The following RASL12 variants were observed in gnomAD, a reference collection of about 807,000 sequenced individuals.
RASL12 encodes the protein ras-like protein family member 12.
RASL12 carries 16 observed loss-of-function variants against 22.9 expected under a neutral mutation model. That is an observed-to-expected ratio of 0.70 (90% CI 0.47 to 1.06). The LOEUF (loss-of-function observed/expected upper bound fraction) is 1.06, where lower values mean the gene tolerates loss of function less well. Among genes scored for constraint, RASL12 ranks in the 50% least tolerant of loss-of-function variants. The pLI is 0.00. For synonymous variants in RASL12, 159 were observed against 152.2 expected, an observed-to-expected ratio of 1.04 and a Z score of -0.33; for missense variants, 306 against 353.1, an observed-to-expected ratio of 0.87 and a Z score of 1.07.
At chr15:65,048,243 T>A in the RASL12 span, among the ~76,000 whole-genome samples, 1 of 152,140 alleles carries the variant, frequency 6.6e-6, no homozygotes, top group Admixed American at 6.5e-5. Flanking sequence ...CTGACTTCCA[T>A]CTCCACCTTG....
downstream of RASL12, chr15:65,051,706 G>T: frequency 9.3e-7 from 1 of 1,070,416 alleles, no homozygotes; most frequent in South Asian, 1.3e-5. Flanking sequence ...GGTCATTGCT[G>T]TCCACCCTTT....
rs558979499 is a variant in RASL12, at chr15:65,053,356, C to T, written c.*1543G>A. ...CTAAAATTCTGTTATTAAAAAAAAT[C>T]TTTTATTAAAATGCTCCTGGAAGGG... On this transcript the variant is annotated 3_prime_UTR_variant, in exon 5 of 5. Coordinates refer to ENST00000220062, the MANE Select transcript of RASL12 (RefSeq NM_016563.4). 6.7e-5 allele frequency: 94 copies of T among 1,410,184 alleles called. No homozygotes were observed. Among genetic ancestry groups the T allele is most frequent in the Non-Finnish European group, 7.6e-5 (83 of 1,089,806 alleles). The allele number at this position is 1,410,184 out of a possible 1,614,324, so 87.4% of individuals were successfully genotyped here.
chr15:65,063,849 G>A (rs559663563), intron 2 of RASL12, among the ~76,000 whole-genome samples: 1 of 152,350 alleles, frequency 6.6e-6, no homozygotes, highest in African/African-American at 2.4e-5. Flanking sequence ...ACTAGGGTAA[G>A]GAGCTCTCCC....
At chr15:65,076,542 G>T (rs1336042419) in exon 1 of RASL12, 1 of 700,938 alleles carries the variant, frequency 1.4e-6, no homozygotes, top group Non-Finnish European at 2.6e-6. Context: ...GAGGGTCCGC[G>T]GCTTCATTCT....
the RASL12 span, among the ~76,000 whole-genome samples, chr15:65,047,051 C>T: frequency 6.6e-6 from 1 of 152,080 alleles, no homozygotes; most frequent in Non-Finnish European, 1.5e-5. Flanking sequence ...TACAATAATA[C>T]CTACATTTAA....
chr15:65,058,614 T>C lies in RASL12; in HGVS notation c.238A>G (p.Thr80Ala), dbSNP rs575544280. The C allele has an allele frequency of 2.0e-6, 3 of 1,532,248 alleles. No homozygotes were observed. The highest frequency in any genetic ancestry group is 2.7e-5 in the African/African-American group (2 of 72,804). The allele number at this position is 1,532,248 out of a possible 1,614,324, so 94.9% of individuals were successfully genotyped here. A position where few individuals can be genotyped will look rare whatever the true frequency, so the allele number is the denominator to read the frequency against. Residue 80 changes from threonine (T) to alanine (A), a missense_variant, in exon 4 of 5, where the codon ACC becomes GCC. Physicochemically the swap from Thr to Ala is moderately conservative, Grantham distance 58. Coordinates refer to ENST00000220062, the MANE Select transcript of RASL12 (RefSeq NM_016563.4). ...LRVMDTADLD[T>A]PRNCERYLNW... is the part of the protein sequence containing the mutation. ...AGGTAGCGCTCGCAGTTCCTGGGGG[T>C]GTCCTGGGGTGAAGGTGAGAAGCCC... is the stretch of plus-strand genomic sequence containing the variant.
upstream of RASL12, among the ~76,000 whole-genome samples, chr15:65,069,410 C>T (rs1457822281): frequency 6.6e-6 from 1 of 152,228 alleles, no homozygotes; most frequent in Non-Finnish European, 1.5e-5. Flanking sequence ...TGGCCCCATT[C>T]TGTGAAGACA....
chr15:65,058,552 G>C lies in RASL12; in HGVS notation c.300C>G (p.Val100=). 6.2e-7 allele frequency: 1 copy of C among 1,611,032 alleles called. No homozygotes were observed. Among genetic ancestry groups the C allele is most frequent in the Non-Finnish European group, 8.5e-7 (1 of 1,177,968 alleles). ...WAHAFLVVYS[V]DSRQSFDSSS... ...TGCTATCAAAGCTCTGGCGGCTGTC[G>C]ACGCTGTACACCACCAGGAAGGCAT... Residue 100 remains valine (V), a synonymous_variant, in exon 4 of 5, where the codon GTC becomes GTG. Coordinates refer to ENST00000220062, the MANE Select transcript of RASL12 (RefSeq NM_016563.4).
At chr15:65,076,617 T>G (rs755207323) in exon 1 of RASL12, 34 of 701,848 alleles carry the variant, frequency 4.8e-5, no homozygotes, top group Non-Finnish European at 5.2e-5. Flanking sequence ...AGGATATGAG[T>G]GATCACACAG....
In RASL12 at chr15:65,053,568, T is replaced by C. The variant is rs2086686889; in HGVS notation, c.*1331A>G. 1 of 1,007,728 alleles carries C rather than the reference T, an allele frequency of 9.9e-7. No individual in the cohort carries two copies. Among genetic ancestry groups the C allele is most frequent in the Non-Finnish European group, 1.2e-6 (1 of 844,110 alleles). The allele number at this position is 1,007,728 out of a possible 1,614,324, so 62.4% of individuals were successfully genotyped here. A position where few individuals can be genotyped will look rare whatever the true frequency, so the allele number is the denominator to read the frequency against. On this transcript the variant is annotated 3_prime_UTR_variant, in exon 5 of 5. Coordinates refer to ENST00000220062, the MANE Select transcript of RASL12 (RefSeq NM_016563.4). ...GACCTCAGCTCCTCCATTTACAGAA[T>C]GAGTCCGAAGACTGGGTCAGAGATG...
upstream of RASL12, among the ~76,000 whole-genome samples, chr15:65,070,428 G>T (rs954721375): frequency 1.3e-5 from 2 of 152,196 alleles, no homozygotes; most frequent in Non-Finnish European, 2.9e-5. Context: ...AGTCATAACC[G>T]TTTAGTGACC....
At chr15:65,050,836 C>CTTTT (rs57404080), downstream of RASL12, among the ~76,000 whole-genome samples, 85 of 95,620 alleles carry the variant, frequency 8.9e-4, no homozygotes, top group East Asian at 1.7e-3. Context: ...TCTTCTTCTT[C>CTTTT]TTTTTTTTTT....
upstream of RASL12, among the ~76,000 whole-genome samples, chr15:65,071,439 ACT>A (rs1298015394): frequency 3.3e-5 from 5 of 151,440 alleles, no homozygotes; most frequent in East Asian, 5.8e-4. Context: ...GGAGGAGGAA[ACT>A]CTCCCCAGCT....
upstream of RASL12, among the ~76,000 whole-genome samples, chr15:65,069,926 A>T (rs1239463929): frequency 6.6e-6 from 1 of 152,106 alleles, no homozygotes; most frequent in Non-Finnish European, 1.5e-5. Context: ...GAGGCTTGGG[A>T]GGAAAACAGT....
At chr15:65,059,266 G>T in intron 3 of RASL12, 79 bp downstream of exon 3, 1 of 1,231,620 alleles carries the variant, frequency 8.1e-7, no homozygotes, top group Non-Finnish European at 1.2e-6. Context: ...GCCTATCTGA[G>T]GTCCCGCACT....
chr15:65,075,356 C>T lies in RASL12; in HGVS notation c.70+1173G>A, dbSNP rs539473773. 1.2e-4 allele frequency among the ~76,000 whole-genome samples: 18 copies of T among 152,358 alleles called. No individual in the cohort carries two copies. The East Asian group carries it at 2.9e-3, about 25-fold the overall frequency. On this transcript the variant is annotated intron_variant, in intron 1 of 4. Coordinates refer to the RASL12 transcript ENST00000434605. ...CCCGAGCCTCCCCGACGAGCACTAC[C>T]CCCTGCTCCACGGTGCCCAGTCCCA...
downstream of RASL12, among the ~76,000 whole-genome samples, chr15:65,051,820 CT>C (rs1183793350): frequency 6.6e-6 from 1 of 152,204 alleles, no homozygotes; most frequent in Non-Finnish European, 1.5e-5. Flanking sequence ...TTACCACCCC[CT>C]GGCCCTGGAC....
At chr15:65,076,660 C>G (rs1295990054) in exon 1 of RASL12, 2 of 759,248 alleles carry the variant, frequency 2.6e-6, no homozygotes, top group African/African-American at 1.7e-5. Context: ...TGCAGCCATA[C>G]AGCCTGCGGG....
At position 65,055,660 on chromosome 15, in the gene RASL12, C is replaced by T. The variant is rs140488477; in HGVS notation, c.426-386G>A. Reference sequence around the variant, plus strand: ...CAGCCCCATCTCTTCTCTACCCCATCGTGGGTCCCTGGGGCAGGAAACAGG... The same window carrying T: ...CAGCCCCATCTCTTCTCTACCCCATTGTGGGTCCCTGGGGCAGGAAACAGG... On this transcript the variant is annotated intron_variant, in intron 4 of 4. Coordinates refer to ENST00000220062, the MANE Select transcript of RASL12 (RefSeq NM_016563.4). Among the ~76,000 whole-genome samples the T allele has an allele frequency of 9.2e-5, 14 of 152,238 alleles. No individual in the cohort carries two copies. The East Asian group carries it at 2.5e-3, about 27-fold the overall frequency.
Sources: allele counts gnomAD v4.1 joint callset (sites outside exome capture counted in the v4.1 genomes callset), GRCh38; gene constraint gnomAD v4.1.1; transcripts MANE v1.5; gene names NCBI Gene and HGNC (gene_info 2026-07-23, HGNC 2026-07-21).